The following ASXL3 variants were observed in gnomAD, a reference collection of about 807,000 sequenced individuals.
ASXL3 encodes the protein putative Polycomb group protein ASXL3.
In ASXL3, 34 loss-of-function variants were observed where a neutral mutation model predicts 170.6. The ratio of observed to expected loss-of-function variants is 0.20; its 90% CI spans 0.15 to 0.27. The LOEUF (loss-of-function observed/expected upper bound fraction) is 0.27. Among genes scored for constraint, ASXL3 ranks in the 10% least tolerant of loss-of-function variants. The probability of loss-of-function intolerance (pLI) is 1.00; values close to 1 mark genes in which losing one functional copy is unlikely to be tolerated. For missense variants in ASXL3, 2,592 were observed against 2,695.3 expected (o/e 0.96, Z 0.85); for synonymous variants, 1,002 against 989.1 (o/e 1.01, Z -0.24).
At chr18:33,627,356 C>G (rs567666437) in intron 2 of ASXL3, among the ~76,000 whole-genome samples, 6 of 152,142 alleles carry the variant, frequency 3.9e-5, no homozygotes, top group Non-Finnish European at 7.3e-5. Context: ...TTGAGAGGCT[C>G]TGGTGTGCTT....
rs1437301143 is a variant in ASXL3, at chr18:33,578,494, G to A, written c.-138G>A. On this transcript the variant is annotated 5_prime_UTR_variant, in exon 1 of 12. Coordinates refer to ENST00000269197, the MANE Select transcript of ASXL3 (RefSeq NM_030632.3). ...CGCCGCCGCCGCCGCCGCCGCCGCC[G>A]CCGCCACCGCCCGCGCGCCTCCCCC... The A allele has an allele frequency of 1.3e-4, 39 of 293,542 alleles. 1 individual carries two copies. The highest frequency in any genetic ancestry group is 7.2e-4 in the Middle Eastern group (1 of 1,396). The allele number at this position is 293,542 out of a possible 1,614,324, so 18.2% of individuals were successfully genotyped here.
At chr18:33,706,013 G>T (rs1568339066) in intron 8 of ASXL3, among the ~76,000 whole-genome samples, 3 of 151,100 alleles carry the variant, frequency 2.0e-5, no homozygotes, top group African/African-American at 7.3e-5. Flanking sequence ...GTACTCTGTT[G>T]TATTTAGATA....
At chr18:33,642,456 A>C (rs1455760077) in intron 2 of ASXL3, among the ~76,000 whole-genome samples, 1 of 151,916 alleles carries the variant, frequency 6.6e-6, no homozygotes, top group East Asian at 1.9e-4. Flanking sequence ...TGTGCTTAAA[A>C]CTAAGTGACT....
intron 2 of ASXL3, among the ~76,000 whole-genome samples, chr18:33,636,523 C>T (rs1429808705): frequency 6.6e-6 from 1 of 152,052 alleles, no homozygotes; most frequent in Non-Finnish European, 1.5e-5. Context: ...ATAGAATTGT[C>T]TTGTGAATGA....
intron 11 of ASXL3, 80 bp from the exon 12 acceptor site, chr18:33,742,808 C>T: frequency 6.8e-7 from 1 of 1,472,704 alleles, no homozygotes; most frequent in Non-Finnish European, 9.0e-7. Flanking sequence ...AGTCTTTTCC[C>T]TTGCATTATC....
chr18:33,652,919 A>G (rs2066024503), intron 4 of ASXL3, among the ~76,000 whole-genome samples: 1 of 152,062 alleles, frequency 6.6e-6, no homozygotes, highest in African/African-American at 2.4e-5. Context: ...TGCAGATGAG[A>G]AGCTTCATGG....
intron 5 of ASXL3, among the ~76,000 whole-genome samples, chr18:33,662,286 T>C (rs1377127227): frequency 1.3e-5 from 2 of 152,202 alleles, no homozygotes; most frequent in African/African-American, 4.8e-5. Context: ...TGCACTGAGA[T>C]GGTGCAGGGA....
intron 1 of ASXL3, among the ~76,000 whole-genome samples, chr18:33,606,206 C>T (rs954991183): frequency 6.6e-6 from 1 of 151,932 alleles, no homozygotes; most frequent in Non-Finnish European, 1.5e-5. Context: ...TTCCCCTTTT[C>T]GAGTGTTCAG....
Position 33,744,223 on chromosome 18 carries a change from G to T in ASXL3, c.4375G>T (p.Gly1459Cys). 6.2e-7 allele frequency: 1 copy of T among 1,613,930 alleles called. No homozygotes were observed. Among genetic ancestry groups the T allele is most frequent in the Non-Finnish European group, 8.5e-7 (1 of 1,179,902 alleles). ...NSGKPQQPPG[G>C]FAPAAINRSI... ...TGGAAAACCTCAGCAACCACCAGGG[G>T]GCTTTGCACCAGCAGCCATAAACCG... Residue 1459 changes from glycine to cysteine, a missense_variant, in exon 12 of 12, where the codon GGC becomes TGC. Physicochemically the swap from Gly to Cys is radical, Grantham distance 159. Around this residue, in one of 4 missense-constraint regions of ASXL3, gnomAD observed 2,246 missense variants for 2,219.6 expected, o/e 1.01. Coordinates refer to ENST00000269197, the MANE Select transcript of ASXL3 (RefSeq NM_030632.3).
At chr18:33,622,943 T>G (rs2065538159) in intron 2 of ASXL3, among the ~76,000 whole-genome samples, 1 of 152,152 alleles carries the variant, frequency 6.6e-6, no homozygotes, top group Non-Finnish European at 1.5e-5. Flanking sequence ...AATCTGTTTT[T>G]TCATTAAATC....
chr18:33,726,428 G>T (rs1027828584), intron 8 of ASXL3, among the ~76,000 whole-genome samples: 3 of 152,074 alleles, frequency 2.0e-5, no homozygotes, highest in Non-Finnish European at 4.4e-5. Context: ...AGCCACTTGA[G>T]GCTTTTGAGA....
intron 8 of ASXL3, among the ~76,000 whole-genome samples, chr18:33,688,744 G>A (rs151063568): frequency 6.6e-6 from 1 of 152,330 alleles, no homozygotes; most frequent in Non-Finnish European, 1.5e-5. Flanking sequence ...TGGAGACTAA[G>A]TAAGGTATCT....
chr18:33,596,764 A>C (rs575376720), intron 1 of ASXL3, among the ~76,000 whole-genome samples: 1 of 152,200 alleles, frequency 6.6e-6, no homozygotes, highest in Non-Finnish European at 1.5e-5. Flanking sequence ...TTGAGTATTC[A>C]TATTTGTTTT....
At chr18:33,693,037 T>C (rs2145308364) in intron 8 of ASXL3, among the ~76,000 whole-genome samples, 1 of 152,266 alleles carries the variant, frequency 6.6e-6, no homozygotes, top group Admixed American at 6.5e-5. Flanking sequence ...CATTTAACCT[T>C]AATTACCCCT....
At chr18:33,590,495 G>T (rs1178846594) in intron 1 of ASXL3, among the ~76,000 whole-genome samples, 1 of 152,124 alleles carries the variant, frequency 6.6e-6, no homozygotes, top group Non-Finnish European at 1.5e-5. Flanking sequence ...AATTATAAAT[G>T]ACATTGCCTT....
chr18:33,731,846 T>TC (rs2067453439), intron 8 of ASXL3, 122 bp from the exon 9 acceptor site: 2 of 640,922 alleles, frequency 3.1e-6, no homozygotes, highest in African/African-American at 3.7e-5. Context: ...TCTGTCTCCT[T>TC]CCCCCTTCCT....
chr18:33,739,105 C>A lies in ASXL3; in HGVS notation c.1701C>A (p.Thr567=), dbSNP rs2067604191. The A allele has an allele frequency of 2.5e-6, 4 of 1,613,176 alleles. No individual in the cohort carries two copies. Among genetic ancestry groups the A allele is most frequent in the African/African-American group, 1.3e-5 (1 of 74,920 alleles). Residue 567 remains threonine, a synonymous_variant, in exon 11 of 12, where the codon ACC becomes ACA. Coordinates refer to ENST00000269197, the MANE Select transcript of ASXL3 (RefSeq NM_030632.3). ...EHKESETAVE[T]STPKIKTGSS... ...AGGAGTCAGAAACTGCAGTAGAGAC[C>A]AGTACCCCCAAAATAAAAACAGGGT...
intron 7 of ASXL3, 94 bp downstream of exon 7, chr18:33,671,960 TAAAC>T: frequency 7.9e-7 from 1 of 1,265,310 alleles, no homozygotes; most frequent in Non-Finnish European, 1.1e-6. Context: ...TTTTAATGAT[TAAAC>T]AAGGAAATTA....
chr18:33,599,645 A>G (rs538897031), intron 1 of ASXL3, among the ~76,000 whole-genome samples: 1 of 152,198 alleles, frequency 6.6e-6, no homozygotes, highest in Non-Finnish European at 1.5e-5. Context: ...ACTTGAGATC[A>G]CAGTGTCCTT....
Sources: allele counts gnomAD v4.1 joint callset (sites outside exome capture counted in the v4.1 genomes callset), GRCh38; gene constraint gnomAD v4.1.1; regional missense constraint gnomAD v4.1.1; transcripts MANE v1.5; gene names NCBI Gene and HGNC (gene_info 2026-07-23, HGNC 2026-07-21).